TBC1D5: variants seen among roughly 807,000 people sequenced by gnomAD.
TBC1D5 encodes the protein TBC1 domain family member 5.
Under a neutral mutation model 100.3 loss-of-function variants are expected in TBC1D5, and 75 were observed. That is an observed-to-expected ratio of 0.75 (90% CI 0.62 to 0.91). The LOEUF (loss-of-function observed/expected upper bound fraction) is 0.91. Ranked by LOEUF, TBC1D5 falls within the 40% of genes least tolerant of loss-of-function variation. TBC1D5 has a pLI of 0.00. For missense variants in TBC1D5, 910 were observed against 942.4 expected (o/e 0.97, Z 0.45); for synonymous variants, 323 against 325.6 (o/e 0.99, Z 0.09).
rs182528672 is a variant in TBC1D5, at chr3:17,490,222, C to T, written c.97+18252G>A. The stretch of plus-strand genomic sequence containing the variant: ...TTTTTCTTGTAAATTTGTATAAGTT[C>T]CTTATAGACTCTAGATTTTAGACCT... On this transcript the variant is annotated intron_variant, in intron 3 of 21. Coordinates refer to ENST00000253692, the Ensembl canonical transcript of TBC1D5. 3.4e-3 allele frequency among the ~76,000 whole-genome samples: 511 copies of T among 152,036 alleles called. 4 individuals carry two copies. Among genetic ancestry groups the T allele is most frequent in the Non-Finnish European group, 5.9e-3 (403 of 67,982 alleles).
At chr3:17,730,054 T>C (rs1362156194) in intron 1 of TBC1D5, among the ~76,000 whole-genome samples, 1 of 151,652 alleles carries the variant, frequency 6.6e-6, no homozygotes, top group Non-Finnish European at 1.5e-5. Flanking sequence ...GAGGTTGCAG[T>C]GAGCCAAGAA....
intron 15 of TBC1D5, among the ~76,000 whole-genome samples, chr3:17,263,366 C>CAAA (rs71049192): frequency 4.9e-5 from 4 of 80,960 alleles, no homozygotes; most frequent in Admixed American, 1.5e-4. Context: ...ACCCTGTCTC[C>CAAA]AAAAAAAAAA....
intron 2 of TBC1D5, among the ~76,000 whole-genome samples, chr3:17,545,303 A>G (rs1207833678): frequency 3.3e-5 from 5 of 152,202 alleles, no homozygotes; most frequent in African/African-American, 1.2e-4. Context: ...AGGGATGACC[A>G]TGTGAAGACA....
chr3:17,505,406 C>G (rs1400559409), intron 3 of TBC1D5, among the ~76,000 whole-genome samples: 1 of 152,136 alleles, frequency 6.6e-6, no homozygotes, highest in Non-Finnish European at 1.5e-5. Flanking sequence ...TCACCAGGAG[C>G]AGATACCTGT....
intron 1 of TBC1D5, among the ~76,000 whole-genome samples, chr3:17,695,850 A>AAAGCACTC (rs2071973079): frequency 6.6e-6 from 1 of 152,248 alleles, no homozygotes; most frequent in Admixed American, 6.5e-5. Flanking sequence ...AATTGGAAGT[A>AAAGCACTC]AAGCACTCCT....
chr3:17,532,515 T>C (rs2096240553), intron 2 of TBC1D5, among the ~76,000 whole-genome samples: 2 of 152,226 alleles, frequency 1.3e-5, no homozygotes, highest in South Asian at 4.1e-4. Context: ...TAAATCATGC[T>C]GCTATAAAGA....
chr3:17,229,264 T>C (rs1022400090), intron 17 of TBC1D5, among the ~76,000 whole-genome samples: 9 of 152,110 alleles, frequency 5.9e-5, no homozygotes, highest in Admixed American at 5.9e-4. Context: ...CTGGTCCCTA[T>C]ATAGTAACAG....
chr3:17,702,678 T>C (rs1340966363), intron 1 of TBC1D5, among the ~76,000 whole-genome samples: 2 of 151,668 alleles, frequency 1.3e-5, no homozygotes, highest in Admixed American at 6.6e-5. Flanking sequence ...ATTTGATTCA[T>C]TGTCATCAAT....
At chr3:17,550,297 C>T (rs922599616) in intron 2 of TBC1D5, among the ~76,000 whole-genome samples, 7 of 151,976 alleles carry the variant, frequency 4.6e-5, no homozygotes, top group African/African-American at 1.7e-4. Context: ...GGGTTAAAAG[C>T]GGGCCATTTA....
intron 2 of TBC1D5, among the ~76,000 whole-genome samples, chr3:17,609,444 C>T (rs1039466816): frequency 6.6e-6 from 1 of 152,176 alleles, no homozygotes; most frequent in Non-Finnish European, 1.5e-5. Flanking sequence ...GGACCTCTTT[C>T]CTAAAATTTT....
At chr3:17,689,316 G>T (rs2070753791) in intron 1 of TBC1D5, among the ~76,000 whole-genome samples, 2 of 152,082 alleles carry the variant, frequency 1.3e-5, no homozygotes, top group South Asian at 4.1e-4. Flanking sequence ...AAAGTGGGCA[G>T]ATTGCTTCAG....
intron 2 of TBC1D5, among the ~76,000 whole-genome samples, chr3:17,575,680 A>C (rs1307327341): frequency 6.6e-6 from 1 of 152,172 alleles, no homozygotes; most frequent in South Asian, 2.1e-4. Context: ...TCATGAGAAC[A>C]TAAGAAAAGG....
At chr3:17,694,491 G>A (rs777952187) in intron 1 of TBC1D5, among the ~76,000 whole-genome samples, 79 of 152,158 alleles carry the variant, frequency 5.2e-4, no homozygotes, top group African/African-American at 1.8e-3. Flanking sequence ...AGAAGAAAGG[G>A]TATCAGTGAT....
chr3:17,681,159 G>T (rs1041671575), intron 1 of TBC1D5, among the ~76,000 whole-genome samples: 4 of 151,728 alleles, frequency 2.6e-5, no homozygotes, highest in Admixed American at 6.6e-5. Flanking sequence ...ATTTCAGGAA[G>T]GGCTTCATAC....
chr3:17,529,287 C>G (rs1001924112), intron 2 of TBC1D5, among the ~76,000 whole-genome samples: 1 of 152,144 alleles, frequency 6.6e-6, no homozygotes, highest in Non-Finnish European at 1.5e-5. Flanking sequence ...AAGTTCTTTC[C>G]AGCCGCAGAG....
At chr3:17,686,082 C>T (rs1245402761) in intron 1 of TBC1D5, among the ~76,000 whole-genome samples, 5 of 152,032 alleles carry the variant, frequency 3.3e-5, no homozygotes, top group Admixed American at 2.0e-4. Flanking sequence ...TTACAATTGG[C>T]GGGATTTCAG....
chr3:17,384,245 C>T (rs571428458), intron 8 of TBC1D5, among the ~76,000 whole-genome samples: 5 of 152,098 alleles, frequency 3.3e-5, no homozygotes, highest in South Asian at 4.1e-4. Flanking sequence ...CAAATTTTTT[C>T]ACATGCTTCA....
intron 4 of TBC1D5, among the ~76,000 whole-genome samples, chr3:17,421,137 A>G (rs2094197792): frequency 6.6e-6 from 1 of 152,326 alleles, no homozygotes. Context: ...GTTCAGAGAG[A>G]TTGTATATTA....
chr3:17,535,370 T>C (rs1028777377), intron 2 of TBC1D5, among the ~76,000 whole-genome samples: 28 of 152,342 alleles, frequency 1.8e-4, no homozygotes, highest in African/African-American at 6.3e-4. Flanking sequence ...TTTATGGCCC[T>C]GGCACAGCTT....
Sources: allele counts gnomAD v4.1 joint callset (sites outside exome capture counted in the v4.1 genomes callset), GRCh38; gene constraint gnomAD v4.1.1; transcripts MANE v1.5; gene names NCBI Gene and HGNC (gene_info 2026-07-23, HGNC 2026-07-21).